The following CDH13 variants were observed in gnomAD, a reference collection of about 807,000 sequenced individuals.
The protein encoded by CDH13 is cadherin 13, also known as cadherin-13.
In CDH13, 24 loss-of-function variants were observed where a neutral mutation model predicts 63.8. The observed-to-expected ratio is 0.38, with a 90% confidence interval of 0.27 to 0.53. The LOEUF is 0.53. CDH13 is among the 20% of genes least tolerant of loss of function. CDH13 has a pLI of 0.85. For missense variants in CDH13, 1,049 were observed against 903.1 expected (o/e 1.16, Z -2.07); for synonymous variants, 503 against 355.3 (o/e 1.42, Z -4.67).
chr16:83,458,720 A>C (rs1389146230), intron 6 of CDH13, among the ~76,000 whole-genome samples: 1 of 152,154 alleles, frequency 6.6e-6, no homozygotes, highest in African/African-American at 2.4e-5. Context: ...CTGTCTTTTC[A>C]TACTGACACT....
intron 7 of CDH13, among the ~76,000 whole-genome samples, chr16:83,504,845 T>C (rs754939339): frequency 1.3e-5 from 2 of 152,206 alleles, no homozygotes; most frequent in Non-Finnish European, 1.5e-5. Context: ...GTAGAAAATA[T>C]ATTCATACGA....
intron 1 of CDH13, among the ~76,000 whole-genome samples, chr16:82,693,288 T>G (rs139636611): frequency 4.2e-4 from 64 of 152,326 alleles, no homozygotes; most frequent in African/African-American, 1.5e-3. Context: ...ACCTCTTTAT[T>G]TTAAGCTTCT....
intron 7 of CDH13, among the ~76,000 whole-genome samples, chr16:83,590,903 C>CTTTTTTTTTTTTTTTTTTTTTTTTTT (rs34324940): frequency 1.1e-5 from 1 of 88,852 alleles, no homozygotes; most frequent in Non-Finnish European, 2.1e-5. Flanking sequence ...CCAGGGGATT[C>CTTTTTTTTTTTTTTTTTTTTTTTTTT]TTTTTTTTTT....
At chr16:83,181,357 C>G (rs575226273) in intron 4 of CDH13, among the ~76,000 whole-genome samples, 1 of 152,338 alleles carries the variant, frequency 6.6e-6, no homozygotes, top group East Asian at 1.9e-4. Context: ...GAGGGGTCCA[C>G]TGGACCTCCT....
At chr16:83,127,390 G>A (rs1197594868) in intron 4 of CDH13, among the ~76,000 whole-genome samples, 1 of 152,178 alleles carries the variant, frequency 6.6e-6, no homozygotes, top group Non-Finnish European at 1.5e-5. Context: ...GACCCACTAA[G>A]AGGGGAGTTT....
At chr16:83,159,582 C>T (rs1327743848) in intron 4 of CDH13, among the ~76,000 whole-genome samples, 1 of 152,132 alleles carries the variant, frequency 6.6e-6, no homozygotes, top group African/African-American at 2.4e-5. Flanking sequence ...CACATGTTAA[C>T]ATAGGCACAT....
At chr16:83,272,230 A>G (rs1048259826) in intron 5 of CDH13, among the ~76,000 whole-genome samples, 7 of 152,222 alleles carry the variant, frequency 4.6e-5, no homozygotes, top group African/African-American at 1.4e-4. Flanking sequence ...AAAATTAAAA[A>G]TTGTGCAAGT....
At chr16:83,689,997 C>G (rs1904689084) in intron 10 of CDH13, among the ~76,000 whole-genome samples, 1 of 152,124 alleles carries the variant, frequency 6.6e-6, no homozygotes, top group African/African-American at 2.4e-5. Context: ...ACCAGCCTGA[C>G]CAACATGGTG....
At chr16:83,786,842 C>T (rs1325011042) in intron 13 of CDH13, among the ~76,000 whole-genome samples, 1 of 152,166 alleles carries the variant, frequency 6.6e-6, no homozygotes, top group Non-Finnish European at 1.5e-5. Flanking sequence ...CCTGCCTCGG[C>T]CTCCCAAAGT....
At chr16:83,700,348 C>T (rs1334974918) in intron 10 of CDH13, among the ~76,000 whole-genome samples, 2 of 152,154 alleles carry the variant, frequency 1.3e-5, no homozygotes, top group South Asian at 2.1e-4. Flanking sequence ...TTTTAACAGA[C>T]GGAAACATGC....
intron 1 of CDH13, among the ~76,000 whole-genome samples, chr16:82,681,484 A>T (rs974321202): frequency 6.6e-6 from 1 of 152,182 alleles, no homozygotes; most frequent in Non-Finnish European, 1.5e-5. Context: ...ATTTTATGTT[A>T]TGTTTGTTTT....
chr16:83,207,400 A>G (rs1292195812), intron 4 of CDH13, among the ~76,000 whole-genome samples: 1 of 152,246 alleles, frequency 6.6e-6, no homozygotes, highest in Non-Finnish European at 1.5e-5. Flanking sequence ...GTGTTGCAAT[A>G]GGTATCAGCA....
intron 5 of CDH13, among the ~76,000 whole-genome samples, chr16:83,336,367 G>A (rs28549904): frequency 0.44 from 66,504 of 150,844 alleles, 14,803 homozygotes; most frequent in Admixed American, 0.49. Context: ...GTGACTTATA[G>A]ACGGGTTCCA....
intron 1 of CDH13, among the ~76,000 whole-genome samples, chr16:82,710,041 G>A (rs1379533185): frequency 1.3e-5 from 2 of 150,522 alleles, no homozygotes; most frequent in African/African-American, 2.4e-5. Context: ...TTAAATAAAA[G>A]TATGCATACA....
chr16:83,690,387 G>A (rs1459559347), intron 10 of CDH13, among the ~76,000 whole-genome samples: 1 of 152,164 alleles, frequency 6.6e-6, no homozygotes, highest in African/African-American at 2.4e-5. Context: ...AAGAATTGGA[G>A]GAAGTGGAGG....
chr16:82,760,146 C>T (rs1322491930), intron 1 of CDH13, among the ~76,000 whole-genome samples: 2 of 152,044 alleles, frequency 1.3e-5, no homozygotes, highest in Admixed American at 6.6e-5. Context: ...AAATATTTTC[C>T]AGAACACCTA....
intron 6 of CDH13, among the ~76,000 whole-genome samples, chr16:83,398,850 T>G (rs963009209): frequency 6.6e-6 from 1 of 152,242 alleles, no homozygotes; most frequent in Non-Finnish European, 1.5e-5. Context: ...TTAAGCCAGA[T>G]GCATAGCTCT....
intron 3 of CDH13, among the ~76,000 whole-genome samples, chr16:83,122,606 T>C (rs1490710912): frequency 6.6e-6 from 1 of 152,212 alleles, no homozygotes. Flanking sequence ...TGGGACTTTG[T>C]GATTGTCCCT....
chr16:82,773,673 A>G (rs1277531728), intron 1 of CDH13, among the ~76,000 whole-genome samples: 9 of 152,176 alleles, frequency 5.9e-5, no homozygotes, highest in Non-Finnish European at 1.5e-5. Context: ...TTCAGTTACC[A>G]TTATGAAGTA....
Sources: gnomAD v4.1 joint callset for allele counts (sites outside exome capture counted in the v4.1 genomes callset) on GRCh38, gnomAD v4.1.1 for gene constraint, MANE v1.5 for transcripts, NCBI Gene and HGNC (gene_info 2026-07-23, HGNC 2026-07-21) for gene names.